RIPOR2: variants seen among roughly 807,000 people sequenced by gnomAD.
The protein encoded by RIPOR2 is RHO family interacting cell polarization regulator 2.
RIPOR2 carries 39 observed loss-of-function variants against 114.5 expected under a neutral mutation model. The ratio of observed to expected loss-of-function variants is 0.34; its 90% CI spans 0.26 to 0.44. The LOEUF (loss-of-function observed/expected upper bound fraction) is 0.44. Among genes scored for constraint, RIPOR2 ranks in the 20% least tolerant of loss-of-function variants. The pLI is 1.00. For synonymous variants in RIPOR2, 445 were observed against 484.4 expected (o/e 0.92, Z 1.07); for missense variants, 1,007 against 1,255.1 (o/e 0.80, Z 2.99).
At chr6:24,869,201 A>T (rs1156761703) in intron 5 of RIPOR2, 54 bp from the exon 6 acceptor site, 2 of 851,988 alleles carry the variant, frequency 2.3e-6, no homozygotes, top group Admixed American at 4.9e-5. Flanking sequence ...CAATTGACTT[A>T]GGCTTGTGAG....
Position 24,818,592 on chromosome 6 carries a change from T to A in RIPOR2, c.2902A>T (p.Thr968Ser). Reference sequence around the variant, plus strand: ...GCTGCTTTCTGGAGCTGGAGGTTTGTCTTTGTTAGTGCTTCACAGTAATAG... The same window carrying A: ...GCTGCTTTCTGGAGCTGGAGGTTTGACTTTGTTAGTGCTTCACAGTAATAG... ...LLYYCEALTK[T>S]NLQLQKAACL... is the part of the protein sequence containing the mutation. Residue 968 changes from threonine to serine, a missense_variant, in exon 20 of 22, where the codon ACA becomes TCA. Coordinates refer to ENST00000643898, the MANE Select transcript of RIPOR2 (RefSeq NM_001286445.3). 1 of 1,550,842 alleles carries A rather than the reference T, an allele frequency of 6.4e-7. No individual in the cohort carries two copies. Among genetic ancestry groups the A allele is most frequent in the Non-Finnish European group, 8.7e-7 (1 of 1,146,404 alleles).
chr6:24,861,268 C>A (rs1253865338), intron 7 of RIPOR2, among the ~76,000 whole-genome samples: 1 of 152,068 alleles, frequency 6.6e-6, no homozygotes, highest in Non-Finnish European at 1.5e-5. Flanking sequence ...CAGATTATAT[C>A]AAAAATAGAC....
chr6:25,003,081 T>G (rs149364532), intron 1 of RIPOR2, among the ~76,000 whole-genome samples: 137 of 152,342 alleles, frequency 9.0e-4, no homozygotes, highest in African/African-American at 2.8e-3. Context: ...TTATAAAACA[T>G]GTTTACGATT....
chr6:24,937,954 C>T (rs1460931261), upstream of RIPOR2, among the ~76,000 whole-genome samples: 4 of 152,104 alleles, frequency 2.6e-5, no homozygotes, highest in South Asian at 4.1e-4. Flanking sequence ...CTGGTTACCA[C>T]GTGAACCTGA....
chr6:24,835,720 A>C lies in RIPOR2; in HGVS notation c.2191T>G (p.Cys731Gly). 1.3e-6 allele frequency: 2 copies of C among 1,551,692 alleles called. No individual in the cohort carries two copies. Among genetic ancestry groups the C allele is most frequent in the Non-Finnish European group, 1.7e-6 (2 of 1,146,952 alleles). The change falls in exon 15 of 22, where the codon TGC (cysteine) becomes GGC (glycine). Residue 731 changes from cysteine (C) to glycine (G), a missense_variant. Coordinates refer to ENST00000643898, the MANE Select transcript of RIPOR2 (RefSeq NM_001286445.3). Reference sequence around the variant, plus strand: ...GATCCTACCTGCACGAGTTGGGTGCAGTACTGGAGGTGCCTGACGATGGTG... The same window carrying C: ...GATCCTACCTGCACGAGTTGGGTGCCGTACTGGAGGTGCCTGACGATGGTG... Reference protein sequence around the residue: ...DITIVRHLQYCTQLVQQIVFS... With the variant: ...DITIVRHLQYGTQLVQQIVFS...
At chr6:25,027,504 G>A (rs926121177) in intron 1 of RIPOR2, among the ~76,000 whole-genome samples, 9 of 152,234 alleles carry the variant, frequency 5.9e-5, no homozygotes, top group South Asian at 2.1e-4. Context: ...AAGGAAAAGC[G>A]TTTGGGGTTC....
intron 12 of RIPOR2, 53 bp from the exon 13 acceptor site, chr6:24,843,607 C>A: frequency 7.7e-7 from 1 of 1,292,686 alleles, no homozygotes; most frequent in Non-Finnish European, 1.0e-6. Flanking sequence ...ATGCATTTGG[C>A]TTGGCATGGT....
At chr6:24,978,085 A>T (rs1774146246) in intron 1 of RIPOR2, among the ~76,000 whole-genome samples, 1 of 152,240 alleles carries the variant, frequency 6.6e-6, no homozygotes, top group Non-Finnish European at 1.5e-5. Context: ...ATAAGTAAGA[A>T]TAAGTAAGAA....
intron 1 of RIPOR2, among the ~76,000 whole-genome samples, chr6:24,972,644 A>G (rs959822878): frequency 2.6e-5 from 4 of 152,238 alleles, no homozygotes; most frequent in South Asian, 2.1e-4. Flanking sequence ...TGGAAGCTTC[A>G]GAGAGGTAGA....
chr6:24,811,309 C>T (rs111726173), intron 20 of RIPOR2, among the ~76,000 whole-genome samples: 4,267 of 140,946 alleles, frequency 0.03, 218 homozygotes, highest in African/African-American at 0.11. Flanking sequence ...TCTTGGCTCA[C>T]TGAAACCTCT....
chr6:24,998,938 T>G (rs1416669571), intron 1 of RIPOR2, among the ~76,000 whole-genome samples: 1 of 152,062 alleles, frequency 6.6e-6, no homozygotes, highest in Non-Finnish European at 1.5e-5. Context: ...GGAACATTTT[T>G]GGGTGAATGT....
chr6:24,850,898 CTTTTT>C, intron 9 of RIPOR2, among the ~76,000 whole-genome samples, 176 bp from the exon 10 acceptor site: 1 of 138,410 alleles, frequency 7.2e-6, no homozygotes, highest in East Asian at 2.1e-4. Context: ...GGGGAGGAGA[CTTTTT>C]TTTTTTTTTT....
intron 1 of RIPOR2, among the ~76,000 whole-genome samples, chr6:25,038,307 C>T (rs1365802292): frequency 6.6e-6 from 1 of 152,222 alleles, no homozygotes; most frequent in Non-Finnish European, 1.5e-5. Flanking sequence ...CATACAGGTT[C>T]TGTATAGTTC....
chr6:25,005,736 T>TATATATATATAC (rs1775530430), intron 1 of RIPOR2, among the ~76,000 whole-genome samples: 3 of 100,252 alleles, frequency 3.0e-5, no homozygotes, highest in African/African-American at 1.1e-4. Flanking sequence ...TATATATATA[T>TATATATATATAC]ATATACATTT....
intron 16 of RIPOR2, 104 bp from the exon 17 acceptor site, chr6:24,830,774 G>T: frequency 8.3e-7 from 1 of 1,205,124 alleles, no homozygotes; most frequent in Non-Finnish European, 1.1e-6. Flanking sequence ...GGAGTGCAAT[G>T]GCATGATCTC....
chr6:25,015,555 T>C (rs1336011625), intron 1 of RIPOR2: 1 of 152,232 alleles, frequency 6.6e-6, no homozygotes, highest in Non-Finnish European at 1.5e-5. Context: ...CAGTGGGAAA[T>C]TCATAGGATC....
At chr6:24,919,228 C>G (rs749565056) in intron 1 of RIPOR2, among the ~76,000 whole-genome samples, 19 of 152,218 alleles carry the variant, frequency 1.2e-4, no homozygotes, top group Non-Finnish European at 2.8e-4. Context: ...TGCTGTCATC[C>G]TCCATAATTA....
intron 1 of RIPOR2, among the ~76,000 whole-genome samples, chr6:24,902,566 A>G (rs1476770641): frequency 6.6e-6 from 1 of 152,072 alleles, no homozygotes; most frequent in African/African-American, 2.4e-5. Context: ...CAATTTGAGG[A>G]CACTTCCTGA....
At chr6:25,013,250 A>C (rs1395269334) in intron 1 of RIPOR2, among the ~76,000 whole-genome samples, 1 of 152,084 alleles carries the variant, frequency 6.6e-6, no homozygotes, top group African/African-American at 2.4e-5. Context: ...AATTCTCAGG[A>C]TGTATTTTCT....
Sources: gnomAD v4.1 joint callset for allele counts (sites outside exome capture counted in the v4.1 genomes callset) on GRCh38, gnomAD v4.1.1 for gene constraint, MANE v1.5 for transcripts, NCBI Gene and HGNC (gene_info 2026-07-23, HGNC 2026-07-21) for gene names.